The following LRRC37B variants were observed in gnomAD, a reference collection of about 807,000 sequenced individuals.
The protein encoded by LRRC37B is leucine rich repeat containing 37B.
LRRC37B carries 28 observed loss-of-function variants against 98.3 expected under a neutral mutation model. That is an observed-to-expected ratio of 0.28 (90% CI 0.21 to 0.39). The LOEUF is 0.39. Ranked by LOEUF, LRRC37B falls within the 10% of genes least tolerant of loss-of-function variation. The pLI, the probability that LRRC37B is intolerant of heterozygous loss-of-function variation, is 1.00. For missense variants in LRRC37B, 938 were observed against 1,182.7 expected, an observed-to-expected ratio of 0.79 and a Z score of 3.03; for synonymous variants, 364 against 442.7, an observed-to-expected ratio of 0.82 and a Z score of 2.23.
upstream of LRRC37B, among the ~76,000 whole-genome samples, chr17:32,016,570 C>T (rs1027758498): frequency 1.3e-4 from 20 of 152,136 alleles, no homozygotes; most frequent in Admixed American, 9.2e-4. Flanking sequence ...TTTTCTTGAA[C>T]GCAGTGGTTT....
At chr17:32,029,393 A>G (rs571445544) in intron 3 of LRRC37B, among the ~76,000 whole-genome samples, 1 of 152,350 alleles carries the variant, frequency 6.6e-6, no homozygotes, top group African/African-American at 2.4e-5. Context: ...GACCTAGTCC[A>G]TGCTTTCAAG....
chr17:32,037,132 C>A (rs1911270220), intron 7 of LRRC37B, among the ~76,000 whole-genome samples: 1 of 151,626 alleles, frequency 6.6e-6, no homozygotes, highest in South Asian at 2.1e-4. Context: ...AGGCACCCGC[C>A]ACCACACCCA....
intron 3 of LRRC37B, among the ~76,000 whole-genome samples, chr17:32,030,010 A>T (rs1286688875): frequency 6.6e-6 from 1 of 152,028 alleles, no homozygotes; most frequent in African/African-American, 2.4e-5. Context: ...CTAGAGATGG[A>T]GACATCAGCC....
intron 7 of LRRC37B, chr17:32,036,401 C>A (rs1332497977): frequency 2.0e-5 from 3 of 151,954 alleles, no homozygotes; most frequent in Non-Finnish European, 4.4e-5. Context: ...ATTCAACTAA[C>A]CATGGATGGA....
At chr17:32,048,082 G>T in intron 9 of LRRC37B, 181 bp downstream of exon 12, 1 of 1,115,118 alleles carries the variant, frequency 9.0e-7, no homozygotes, top group Non-Finnish European at 1.3e-6. Context: ...AATAGAAAGA[G>T]CCCCTCACAG....
intron 1 of LRRC37B, among the ~76,000 whole-genome samples, chr17:32,015,789 T>C (rs1009887345): frequency 6.6e-6 from 1 of 152,190 alleles, no homozygotes; most frequent in Non-Finnish European, 1.5e-5. Context: ...ACATGATCTG[T>C]GCTCTAAAGG....
chr17:32,037,786 C>T (rs185951030), intron 7 of LRRC37B, among the ~76,000 whole-genome samples: 8 of 152,076 alleles, frequency 5.3e-5, no homozygotes, highest in Admixed American at 3.9e-4. Context: ...CCTGTTATCC[C>T]ATTGGAGATT....
intron 1 of LRRC37B, among the ~76,000 whole-genome samples, chr17:32,015,370 A>G (rs1029150710): frequency 4.6e-5 from 7 of 152,196 alleles, no homozygotes; most frequent in Non-Finnish European, 1.0e-4. Context: ...TTGATATGCC[A>G]TTCATGGTTT....
At chr17:32,014,094 C>G (rs1910598144) in intron 1 of LRRC37B, among the ~76,000 whole-genome samples, 1 of 152,178 alleles carries the variant, frequency 6.6e-6, no homozygotes, top group Non-Finnish European at 1.5e-5. Context: ...GACCTCTCTT[C>G]TAAACTCCAG....
At chr17:32,047,429 C>T (rs968479484) in intron 8 of LRRC37B, 1 of 376,882 alleles carries the variant, frequency 2.7e-6, no homozygotes, top group Non-Finnish European at 5.1e-6. Flanking sequence ...GCAGAGAGGC[C>T]AGTTCATCAG....
intron 5 of LRRC37B, among the ~76,000 whole-genome samples, chr17:32,032,508 A>G (rs1567616184): frequency 1.3e-5 from 2 of 152,144 alleles, no homozygotes; most frequent in Admixed American, 6.5e-5. Flanking sequence ...GGTATATTCA[A>G]TGGCCTGAAG....
rs1194901065 is a variant in LRRC37B, at chr17:32,023,628, A to T, written c.1760+803A>T. Among the ~76,000 whole-genome samples, 4 of 152,228 alleles carry T rather than the reference A, an allele frequency of 2.6e-5. No individual in the cohort carries two copies. In the East Asian group the frequency reaches 7.7e-4, roughly 29 times the overall value. Reference sequence around the variant, plus strand: ...ATTATGCTAGTTACCATTTCATAGGATTGTTGTGAAATTTAGGTGAGTGAA... The same window carrying T: ...ATTATGCTAGTTACCATTTCATAGGTTTGTTGTGAAATTTAGGTGAGTGAA... On this transcript the variant is annotated intron_variant, in intron 1 of 11. Coordinates refer to ENST00000327564, the Ensembl canonical transcript of LRRC37B.
chr17:32,053,157 G>A, intron 11 of LRRC37B, 109 bp from the exon 15 acceptor site: 2 of 765,902 alleles, frequency 2.6e-6, no homozygotes, highest in South Asian at 1.5e-5. Context: ...CTTCAAAAAA[G>A]TTATCTCATC....
chr17:32,043,035 A>G (rs1911488283), intron 7 of LRRC37B, among the ~76,000 whole-genome samples: 1 of 152,026 alleles, frequency 6.6e-6, no homozygotes, highest in Non-Finnish European at 1.5e-5. Flanking sequence ...TAGGGGCTGC[A>G]CACTGAAGTC....
exon 1 of LRRC37B, chr17:32,022,135 G>A: frequency 6.2e-7 from 1 of 1,613,642 alleles, no homozygotes; most frequent in Non-Finnish European, 8.5e-7. Context: ...CAACCTCCAG[G>A]TGAGGATCAA....
exon 1 of LRRC37B, chr17:32,008,127 C>A: frequency 2.7e-6 from 1 of 365,586 alleles, no homozygotes. Context: ...TTCAGCAGCA[C>A]TCCAGGTACC....
chr17:32,045,145 T>C, intron 7 of LRRC37B, among the ~76,000 whole-genome samples: 1 of 152,030 alleles, frequency 6.6e-6, no homozygotes, highest in Non-Finnish European at 1.5e-5. Context: ...AATATCATTC[T>C]TCATGGATTT....
intron 6 of LRRC37B, among the ~76,000 whole-genome samples, chr17:32,035,337 G>A (rs1911217255): frequency 6.7e-6 from 1 of 150,272 alleles, no homozygotes; most frequent in Non-Finnish European, 1.5e-5. Context: ...TAAGATAATG[G>A]TAAAAAAAAA....
chr17:32,011,685 T>C (rs1381738452), intron 1 of LRRC37B, among the ~76,000 whole-genome samples: 2 of 151,860 alleles, frequency 1.3e-5, no homozygotes, highest in African/African-American at 4.8e-5. Flanking sequence ...TTAGTAGAGA[T>C]GGGGTTTCAC....
Sources: allele counts gnomAD v4.1 joint callset (sites outside exome capture counted in the v4.1 genomes callset), GRCh38; gene constraint gnomAD v4.1.1; transcripts MANE v1.5; gene names NCBI Gene and HGNC (gene_info 2026-07-23, HGNC 2026-07-21).